RIMS2: variants seen among roughly 807,000 people sequenced by gnomAD.
The protein encoded by RIMS2 is regulating synaptic membrane exocytosis protein 2.
Under a neutral mutation model 174.4 loss-of-function variants are expected in RIMS2, and 59 were observed. That is an observed-to-expected ratio of 0.34 (90% CI 0.27 to 0.42). The LOEUF is 0.42. Ranked by LOEUF, RIMS2 falls within the 10% of genes least tolerant of loss-of-function variation. The probability of loss-of-function intolerance (pLI) is 1.00; values close to 1 mark genes in which losing one functional copy is unlikely to be tolerated. For synonymous variants in RIMS2, 606 were observed against 572.5 expected, an observed-to-expected ratio of 1.06 and a Z score of -0.84; for missense variants, 1,620 against 1,666.3, an observed-to-expected ratio of 0.97 and a Z score of 0.48.
chr8:103,973,095 C>G (rs1375842469), intron 15 of RIMS2, among the ~76,000 whole-genome samples: 1 of 152,162 alleles, frequency 6.6e-6, no homozygotes, highest in Non-Finnish European at 1.5e-5. Flanking sequence ...GCTGCAATCT[C>G]TCTATCCTTC....
intron 19 of RIMS2, among the ~76,000 whole-genome samples, chr8:104,163,746 A>G (rs1566778335): frequency 6.6e-6 from 1 of 152,174 alleles, no homozygotes; most frequent in Admixed American, 6.5e-5. Context: ...CCAAAGATGT[A>G]AAAGGGTGGT....
chr8:103,945,878 C>T, intron 14 of RIMS2, among the ~76,000 whole-genome samples: 1 of 152,002 alleles, frequency 6.6e-6, no homozygotes, highest in East Asian at 1.9e-4. Context: ...GATGACAAAC[C>T]GTATTTCATG....
At chr8:103,607,407 C>G (rs867027943) in intron 1 of RIMS2, among the ~76,000 whole-genome samples, 1 of 151,740 alleles carries the variant, frequency 6.6e-6, no homozygotes, top group Non-Finnish European at 1.5e-5. Context: ...GAGGGTAACC[C>G]GACCTTTCTC....
intron 19 of RIMS2, among the ~76,000 whole-genome samples, chr8:104,036,447 G>A (rs1020573936): frequency 2.6e-5 from 4 of 151,050 alleles, no homozygotes; most frequent in East Asian, 2.0e-4. Flanking sequence ...CACACCACCC[G>A]GTCTGGAAAT....
chr8:104,014,887 T>C (rs2095860071), intron 19 of RIMS2, among the ~76,000 whole-genome samples: 1 of 152,186 alleles, frequency 6.6e-6, no homozygotes, highest in Admixed American at 6.6e-5. Context: ...AAATAAGTTG[T>C]TGGATAATAT....
At position 103,898,484 on chromosome 8, in the gene RIMS2, T is replaced by C. The variant is rs561465101; in HGVS notation, c.1625-11650T>C. On this transcript the variant is annotated intron_variant, in intron 4 of 23. Transcript: ENST00000504942. ...TTTAGGGAAGATGCAACATCTGGCATGTTAACCTGAGATGGGGCTACTACT... is the reference window on the plus strand; with the variant it reads ...TTTAGGGAAGATGCAACATCTGGCACGTTAACCTGAGATGGGGCTACTACT... Among the ~76,000 whole-genome samples, 9 of 151,804 alleles carry C rather than the reference T, an allele frequency of 5.9e-5. No homozygotes were observed. The East Asian group carries it at 1.7e-3, about 29-fold the overall frequency.
intron 3 of RIMS2, among the ~76,000 whole-genome samples, chr8:103,773,922 AC>A (rs1402235932): frequency 2.9e-4 from 43 of 147,494 alleles, no homozygotes; most frequent in African/African-American, 1.1e-3. Context: ...CAGGCAGATC[AC>A]TTGAGGTGAA....
chr8:103,597,833 G>A (rs2133591101), intron 1 of RIMS2, among the ~76,000 whole-genome samples: 1 of 151,984 alleles, frequency 6.6e-6, no homozygotes, highest in African/African-American at 2.4e-5. Flanking sequence ...TTTAAACCGT[G>A]GGTCATGAAA....
chr8:103,571,190 G>C (rs1052442485), intron 1 of RIMS2, among the ~76,000 whole-genome samples: 4 of 152,122 alleles, frequency 2.6e-5, no homozygotes, highest in Non-Finnish European at 1.5e-5. Flanking sequence ...TACATACTAT[G>C]TATTCATTAA....
At chr8:104,094,672 A>G (rs972940051) in intron 19 of RIMS2, 76 of 700,468 alleles carry the variant, frequency 1.1e-4, no homozygotes, top group Non-Finnish European at 1.9e-4. Context: ...CAAGGGAAAG[A>G]AAAAGAACAG....
intron 19 of RIMS2, among the ~76,000 whole-genome samples, chr8:104,079,357 G>A (rs954705753): frequency 7.9e-5 from 12 of 151,466 alleles, no homozygotes; most frequent in African/African-American, 2.9e-4. Context: ...TTTACCGTCA[G>A]CAAAATAAAA....
chr8:103,608,696 CG>C (rs1554676541), intron 1 of RIMS2, among the ~76,000 whole-genome samples: 2 of 151,756 alleles, frequency 1.3e-5, no homozygotes, highest in Non-Finnish European at 2.9e-5. Flanking sequence ...TCTCATGGTG[CG>C]CCGTTTTTTA....
chr8:103,537,285 A>C (rs539064416), intron 1 of RIMS2, among the ~76,000 whole-genome samples: 3 of 152,228 alleles, frequency 2.0e-5, no homozygotes, highest in East Asian at 3.8e-4. Context: ...TACAAATGCT[A>C]TATGGTTAAC....
exon 4 of RIMS2, chr8:103,885,654 A>C: frequency 1.9e-6 from 3 of 1,613,090 alleles, no homozygotes; most frequent in Non-Finnish European, 2.5e-6. Context: ...TATGAAGAAC[A>C]AATGCGGATC....
chr8:103,688,591 GCTTTA>G (rs1564294034), intron 1 of RIMS2, among the ~76,000 whole-genome samples: 1 of 151,922 alleles, frequency 6.6e-6, no homozygotes, highest in Admixed American at 6.6e-5. Flanking sequence ...TTATTTTCTG[GCTTTA>G]GTATCAGGGT....
At chr8:104,020,887 A>C (rs150115054) in intron 19 of RIMS2, among the ~76,000 whole-genome samples, 2 of 152,036 alleles carry the variant, frequency 1.3e-5, no homozygotes, top group African/African-American at 4.8e-5. Flanking sequence ...TGATTTTCCT[A>C]TAATTATTGC....
At chr8:104,157,258 T>C (rs1028426562) in intron 19 of RIMS2, among the ~76,000 whole-genome samples, 8 of 152,342 alleles carry the variant, frequency 5.3e-5, no homozygotes, top group African/African-American at 1.9e-4. Flanking sequence ...TTATATAGCA[T>C]CTAGGCTCGG....
chr8:103,625,686 G>A (rs1487236176), intron 1 of RIMS2, among the ~76,000 whole-genome samples: 1 of 152,046 alleles, frequency 6.6e-6, no homozygotes, highest in Non-Finnish European at 1.5e-5. Flanking sequence ...AAAGCAAAGT[G>A]AGTGAAAATT....
intron 14 of RIMS2, among the ~76,000 whole-genome samples, chr8:103,949,187 A>T (rs1220058399): frequency 1.3e-5 from 2 of 151,564 alleles, no homozygotes; most frequent in Non-Finnish European, 2.9e-5. Flanking sequence ...GGAAAGGGAG[A>T]AGAGAAGAGA....
Sources: gnomAD v4.1 joint callset for allele counts (sites outside exome capture counted in the v4.1 genomes callset) on GRCh38, gnomAD v4.1.1 for gene constraint, MANE v1.5 for transcripts, NCBI Gene and HGNC (gene_info 2026-07-23, HGNC 2026-07-21) for gene names.